Variants in LCORL observed in about 807,000 individuals in gnomAD.
The protein encoded by LCORL is ligand-dependent nuclear receptor corepressor-like protein.
In LCORL, 41 loss-of-function variants were observed where a neutral mutation model predicts 141.8. The observed-to-expected ratio is 0.29, with a 90% confidence interval of 0.23 to 0.38. The LOEUF (loss-of-function observed/expected upper bound fraction) is 0.38. Ranked by LOEUF, LCORL falls within the 10% of genes least tolerant of loss-of-function variation. LCORL has a pLI of 1.00. For synonymous variants in LCORL, 618 were observed against 694.1 expected, an observed-to-expected ratio of 0.89 and a Z score of 1.72; for missense variants, 1,759 against 2,035.0, an observed-to-expected ratio of 0.86 and a Z score of 2.61.
chr4:17,853,440 A>C (rs993812654), intron 7 of LCORL, among the ~76,000 whole-genome samples: 1 of 152,112 alleles, frequency 6.6e-6, no homozygotes, highest in African/African-American at 2.4e-5. Flanking sequence ...TCAATTCCTG[A>C]AAGAGGAGAA....
chr4:17,971,432 G>C (rs946920519), intron 2 of LCORL, among the ~76,000 whole-genome samples: 13 of 150,746 alleles, frequency 8.6e-5, no homozygotes, highest in African/African-American at 2.9e-4. Context: ...ATATTAAATA[G>C]CCCCTTTTTA....
At chr4:17,863,861 G>A (rs1446673405) in intron 7 of LCORL, among the ~76,000 whole-genome samples, 2 of 152,202 alleles carry the variant, frequency 1.3e-5, no homozygotes, top group Non-Finnish European at 2.9e-5. Flanking sequence ...GGATGGAGCT[G>A]GAGCCCATAA....
At chr4:17,843,279 G>T (rs747665895) in exon 8 of LCORL, 1 of 1,595,522 alleles carries the variant, frequency 6.3e-7, no homozygotes, top group East Asian at 2.2e-5. Context: ...ATCTAAATTC[G>T]TGTATTTTCA....
chr4:17,927,130 G>A (rs184598879), intron 4 of LCORL, among the ~76,000 whole-genome samples: 12 of 152,310 alleles, frequency 7.9e-5, no homozygotes, highest in Admixed American at 5.9e-4. Flanking sequence ...TTCCGTATCA[G>A]CACTTGCTGC....
chr4:17,967,750 G>A (rs182964215), intron 2 of LCORL, among the ~76,000 whole-genome samples: 1 of 152,114 alleles, frequency 6.6e-6, no homozygotes, highest in Non-Finnish European at 1.5e-5. Context: ...ATATACTCAG[G>A]TAAGTCTTTA....
At position 17,884,434 on chromosome 4, in the gene LCORL, G is replaced by C. The variant is rs1461209024; in HGVS notation, c.776+1634C>G. 1 of 1,550,112 alleles carries C rather than the reference G, an allele frequency of 6.5e-7. No homozygotes were observed. Among genetic ancestry groups the C allele is most frequent in the South Asian group, 1.2e-5 (1 of 83,924 alleles). On this transcript the variant is annotated intron_variant, in intron 6 of 7. Transcript: ENST00000635767. This position sits in a 1 kb window ranked among gnomAD's most constrained non-coding sequence, Gnocchi z 4.4. ...TTATTTCTGAGGTTTCAAGTAGATT[G>C]AGTTTACTTTTTTCTGTGCGCTCTG...
chr4:17,894,650 G>C (rs1729615691), intron 5 of LCORL, among the ~76,000 whole-genome samples: 2 of 152,164 alleles, frequency 1.3e-5, no homozygotes, highest in African/African-American at 4.8e-5. Flanking sequence ...CTTCTGCATT[G>C]ATTGTGTTGA....
rs563899363 is a variant in LCORL, at chr4:17,984,670, T to C, written c.155-11785A>G. Among the ~76,000 whole-genome samples, 13 of 152,098 alleles carry C rather than the reference T, an allele frequency of 8.5e-5. No individual in the cohort carries two copies. In the South Asian group the frequency reaches 2.5e-3, roughly 29 times the overall value. On this transcript the variant is annotated intron_variant, in intron 1 of 7. Transcript: ENST00000635767. ...TTTAGGTCTTCTCTCTTCTGTATTA[T>C]CTAGCTAGTGACGTATTTTATTAAT...
At chr4:17,841,824 C>CATGT (rs1202289990) in exon 8 of LCORL, 1 of 153,106 alleles carries the variant, frequency 6.5e-6, no homozygotes, top group Non-Finnish European at 1.5e-5. Context: ...TTGAATTGGT[C>CATGT]ATGTATGTTA....
intron 2 of LCORL, among the ~76,000 whole-genome samples, chr4:17,966,193 G>A (rs560960171): frequency 1.3e-5 from 2 of 151,904 alleles, no homozygotes; most frequent in Non-Finnish European, 2.9e-5. Flanking sequence ...ATTTTATGCC[G>A]CTTAAAAAAC....
chr4:17,901,302 G>A lies in LCORL; in HGVS notation c.682+7792C>T, dbSNP rs1730829257. The stretch of plus-strand genomic sequence containing the variant: ...CCTATAAGGAAAAGACTATTCGTTG[G>A]CAGTCACAACAATCATACCAAACAG... On this transcript the variant is annotated intron_variant, in intron 5 of 7. Transcript: ENST00000635767. Among the ~76,000 whole-genome samples, 3 of 151,742 alleles carry A rather than the reference G, an allele frequency of 2.0e-5. No homozygotes were observed. In the South Asian group the frequency reaches 6.2e-4, roughly 31 times the overall value.
chr4:17,999,616 A>G (rs1026594321), intron 1 of LCORL, among the ~76,000 whole-genome samples: 17 of 152,240 alleles, frequency 1.1e-4, no homozygotes, highest in Admixed American at 3.3e-4. Context: ...TGCAAGAGCA[A>G]TCAATTTTTA....
At chr4:17,845,495 C>A in exon 8 of LCORL, 1 of 377,050 alleles carries the variant, frequency 2.7e-6, no homozygotes. Context: ...TCACATAATA[C>A]CACTAAAAGA....
intron 2 of LCORL, among the ~76,000 whole-genome samples, chr4:17,967,165 C>T (rs1715047533): frequency 6.6e-6 from 1 of 152,090 alleles, no homozygotes; most frequent in Admixed American, 6.5e-5. Context: ...TTAGAAGCTA[C>T]ATACTGTATG....
chr4:17,963,062 G>A lies in LCORL; in HGVS notation c.221-13C>T, dbSNP rs763831088. On this transcript the variant is annotated splice_polypyrimidine_tract_variant and intron_variant, in intron 2 of 7. Transcript: ENST00000635767. The stretch of plus-strand genomic sequence containing the variant: ...TCTGGTTCACAGTCTTTAAAAGAGG[G>A]AAAAAATTCATTAAATATACTAACT... 1.3e-6 allele frequency: 2 copies of A among 1,490,700 alleles called. No individual in the cohort carries two copies. Among genetic ancestry groups the A allele is most frequent in the Non-Finnish European group, 1.8e-6 (2 of 1,088,446 alleles). The allele number at this position is 1,490,700 out of a possible 1,614,324, so 92.3% of individuals were successfully genotyped here.
At chr4:17,853,274 A>C (rs979888610) in intron 7 of LCORL, among the ~76,000 whole-genome samples, 1 of 152,100 alleles carries the variant, frequency 6.6e-6, no homozygotes, top group African/African-American at 2.4e-5. Flanking sequence ...AGAAGGCTTA[A>C]CATGTGAGAT....
At chr4:17,938,332 G>T (rs1737222097) in intron 4 of LCORL, among the ~76,000 whole-genome samples, 1 of 151,110 alleles carries the variant, frequency 6.6e-6, no homozygotes, top group East Asian at 2.0e-4. Flanking sequence ...TATCCTACTG[G>T]ACTTACCTTG....
intron 1 of LCORL, among the ~76,000 whole-genome samples, chr4:18,005,697 C>A (rs1418809380): frequency 3.3e-5 from 5 of 152,224 alleles, no homozygotes; most frequent in Non-Finnish European, 7.3e-5. Flanking sequence ...AGGCTTGGGG[C>A]TTGCATCCTC....
intron 5 of LCORL, among the ~76,000 whole-genome samples, chr4:17,906,163 A>G (rs1224384142): frequency 2.0e-5 from 3 of 152,186 alleles, no homozygotes; most frequent in Admixed American, 1.3e-4. Flanking sequence ...ACACATCCAT[A>G]TGTACACACA....
Sources: gnomAD v4.1 joint callset for allele counts (sites outside exome capture counted in the v4.1 genomes callset) on GRCh38, gnomAD v4.1.1 for gene constraint, Gnocchi (gnomAD v3.1) non-coding constraint, MANE v1.5 for transcripts, NCBI Gene and HGNC (gene_info 2026-07-23, HGNC 2026-07-21) for gene names.